Variants in BCL2L11 observed in about 807,000 individuals in gnomAD.
The protein encoded by BCL2L11 is bcl-2-like protein 11.
Under a neutral mutation model 20.6 loss-of-function variants are expected in BCL2L11, and 15 were observed. The observed-to-expected ratio is 0.73, with a 90% CI of 0.49 to 1.12. BCL2L11 has a LOEUF of 1.12. BCL2L11 is among the 50% of genes most tolerant of loss of function. The probability of loss-of-function intolerance (pLI) is 0.00; values close to 1 mark genes in which losing one functional copy is unlikely to be tolerated. For synonymous variants in BCL2L11, 108 were observed against 92.8 expected, an observed-to-expected ratio of 1.16 and a Z score of -0.94; for missense variants, 292 against 260.9, an observed-to-expected ratio of 1.12 and a Z score of -0.82.
At chr2:111,161,662 C>T in intron 3 of BCL2L11, 7 of 1,204,178 alleles carry the variant, frequency 5.8e-6, no homozygotes, top group Non-Finnish European at 7.8e-6. Context: ...AACTCCCCTG[C>T]AATACAGGGA....
At chr2:111,150,266 C>T in intron 3 of BCL2L11, 119 bp downstream of exon 3, 2 of 1,507,052 alleles carry the variant, frequency 1.3e-6, no homozygotes, top group East Asian at 2.6e-5. Context: ...ATTACTGTTG[C>T]CTAGTTGTGA....
intron 2 of BCL2L11, among the ~76,000 whole-genome samples, chr2:111,126,427 C>T (rs1216871618): frequency 2.0e-5 from 3 of 152,052 alleles, no homozygotes; most frequent in Admixed American, 6.5e-5. Flanking sequence ...GAGTTTAATG[C>T]ATAGGATTAA....
At chr2:111,147,342 TCTCTCACACACA>T (rs1248424867) in intron 2 of BCL2L11, among the ~76,000 whole-genome samples, 2 of 133,558 alleles carry the variant, frequency 1.5e-5, no homozygotes, top group African/African-American at 5.7e-5. Flanking sequence ...TCTCTCTCTC[TCTCTCACACACA>T]CACACACACA....
chr2:111,122,571 C>A (rs2071312547), intron 1 of BCL2L11: 1 of 981,104 alleles, frequency 1.0e-6, no homozygotes, highest in Admixed American at 6.2e-5. Flanking sequence ...AACGCGGGCA[C>A]CCGGCGCCAG....
intron 1 of BCL2L11, chr2:111,123,425 G>A (rs918036895): frequency 1.0e-6 from 1 of 985,352 alleles, no homozygotes; most frequent in African/African-American, 1.7e-5. Flanking sequence ...AGTCTGTCCT[G>A]GGCAAAGAGC....
chr2:111,127,463 C>T (rs1018742964), intron 2 of BCL2L11, among the ~76,000 whole-genome samples: 7 of 129,966 alleles, frequency 5.4e-5, no homozygotes, highest in African/African-American at 1.8e-4. Flanking sequence ...GGGTACTTCT[C>T]TTATAGCTGG....
Position 111,164,268 on chromosome 2 carries a change from T to C in BCL2L11, c.*37T>C, listed in dbSNP as rs1156816052. On this transcript the variant is annotated 3_prime_UTR_variant, in exon 4 of 4. Transcript: ENST00000393256. ...CGGAGCCGAGATACCATGCAGACAT[T>C]TTGCTTGTTCAAACCAACAAGACCC... The C allele has an allele frequency of 6.7e-7, 1 of 1,501,994 alleles. No individual in the cohort carries two copies. Among genetic ancestry groups the C allele is most frequent in the Non-Finnish European group, 9.3e-7 (1 of 1,078,248 alleles). The allele number at this position is 1,501,994 out of a possible 1,614,324, so 93.0% of individuals were successfully genotyped here.
chr2:111,121,254 C>T, intron 1 of BCL2L11, 66 bp downstream of exon 1: 1 of 201,206 alleles, frequency 5.0e-6, no homozygotes, highest in Non-Finnish European at 1.0e-5. Context: ...GGAGCCCGAA[C>T]GGCACCACCT....
rs1477726649 is a variant in BCL2L11, at chr2:111,165,015, A to C, written c.*784A>C. The C allele has an allele frequency of 6.6e-6, 1 of 152,222 alleles. No individual in the cohort carries two copies. The highest frequency in any genetic ancestry group is 6.5e-5 in the Admixed American group (1 of 15,282). The allele number at this position is 152,222 out of a possible 1,614,324, so 9.4% of individuals were successfully genotyped here. On this transcript the variant is annotated 3_prime_UTR_variant, in exon 4 of 4. Transcript: ENST00000393256. ...GGACTCAGATGCATAGATTTGGTCC[A>C]GTGTATTTTCATGATAAAGTGAAAT...
At chr2:111,161,442 AC>A (rs2078538073) in intron 3 of BCL2L11, 1 of 1,550,446 alleles carries the variant, frequency 6.4e-7, no homozygotes, top group South Asian at 1.2e-5. Context: ...CTGATTAAGA[AC>A]CACTGTAGCA....
At position 111,123,893 on chromosome 2, in the gene BCL2L11, G is replaced by A. The variant is rs772949984; in HGVS notation, c.148G>A (p.Gly50Ser). The change falls in exon 2 of 4, where the codon GGT becomes AGT. Residue 50 changes from glycine to serine, a missense_variant. Coordinates refer to ENST00000393256, the MANE Select transcript of BCL2L11 (RefSeq NM_138621.5). The part of the protein sequence containing the change: ...PQGNPEGNHG[G>S]EGDSCPHGSP... ...AGGTAATCCTGAAGGCAATCACGGAGGTGAAGGGGACAGCTGCCCCCACGG... is the reference window on the plus strand; with the variant it reads ...AGGTAATCCTGAAGGCAATCACGGAAGTGAAGGGGACAGCTGCCCCCACGG... 6.2e-7 allele frequency: 1 copy of A among 1,611,314 alleles called. No individual in the cohort carries two copies. The highest frequency in any genetic ancestry group is 1.1e-5 in the South Asian group (1 of 90,814).
rs566297017 is a variant in BCL2L11 at position 111,123,183 on chromosome 2, C to G, written c.-13-550C>G. 14 of 985,456 alleles carry G rather than the reference C, an allele frequency of 1.4e-5. No individual in the cohort carries two copies. The East Asian group carries it at 7.9e-4, about 56-fold the overall frequency. 61.0% of individuals were successfully genotyped at this position (985,456 alleles called of 1,614,324 possible). On this transcript the variant is annotated intron_variant, in intron 1 of 3. Coordinates refer to ENST00000393256, the MANE Select transcript of BCL2L11 (RefSeq NM_138621.5). ...GGCGGAGAGAGCGCCAGAGCCGGGC[C>G]GAGCCGCGCTGGAGTTACAAACTCT...
intron 1 of BCL2L11, 134 bp downstream of exon 1, chr2:111,121,322 C>T (rs1328100312): frequency 1.2e-5 from 2 of 169,814 alleles, no homozygotes; most frequent in Admixed American, 6.3e-5. Context: ...CCGCTTGTCG[C>T]CGGCGGGAGG....
chr2:111,122,589 G>C, intron 1 of BCL2L11: 1 of 983,834 alleles, frequency 1.0e-6, no homozygotes, highest in Non-Finnish European at 1.2e-6. Context: ...CAGCGGCGCG[G>C]GGAGGTCGGC....
chr2:111,162,603 G>A (rs1446980231), intron 3 of BCL2L11, among the ~76,000 whole-genome samples: 2 of 152,208 alleles, frequency 1.3e-5, no homozygotes, highest in Non-Finnish European at 2.9e-5. Flanking sequence ...CCAAGTGTCA[G>A]CAGTTGGGGT....
intron 2 of BCL2L11, chr2:111,130,353 C>T: frequency 4.3e-6 from 1 of 231,690 alleles, no homozygotes; most frequent in South Asian, 4.0e-5. Flanking sequence ...ATCTGCCCGC[C>T]TTGGCCTCCC....
intron 2 of BCL2L11, among the ~76,000 whole-genome samples, chr2:111,148,147 G>C (rs2076804919): frequency 6.6e-6 from 1 of 152,216 alleles, no homozygotes; most frequent in African/African-American, 2.4e-5. Context: ...GCTGAAGGCA[G>C]TTTTCTCTCT....
chr2:111,146,342 A>T, intron 2 of BCL2L11: 2 of 646,984 alleles, frequency 3.1e-6, no homozygotes, highest in African/African-American at 3.9e-5. Context: ...TAAAATATTT[A>T]TGCTTGGTTC....
chr2:111,142,321 G>A (rs1037866625), intron 2 of BCL2L11: 57 of 1,550,282 alleles, frequency 3.7e-5, no homozygotes, highest in African/African-American at 8.2e-5. Flanking sequence ...AGATGACTCC[G>A]CTGGATCCTC....
Sources: gnomAD v4.1 joint callset for allele counts (sites outside exome capture counted in the v4.1 genomes callset) on GRCh38, gnomAD v4.1.1 for gene constraint, MANE v1.5 for transcripts, NCBI Gene and HGNC (gene_info 2026-07-23, HGNC 2026-07-21) for gene names.